HNRNPUL2: variants seen among roughly 807,000 people sequenced by gnomAD.
HNRNPUL2 encodes heterogeneous nuclear ribonucleoprotein U-like protein 2.
In HNRNPUL2, 27 loss-of-function variants were observed where a neutral mutation model predicts 102.2. The observed-to-expected ratio is 0.26, with a 90% CI of 0.19 to 0.36. The LOEUF is 0.36. Ranked by LOEUF, HNRNPUL2 falls within the 10% of genes least tolerant of loss-of-function variation. HNRNPUL2 has a pLI of 1.00. For missense variants in HNRNPUL2, 936 were observed against 981.1 expected, an observed-to-expected ratio of 0.95 and a Z score of 0.61; for synonymous variants, 458 against 387.2, an observed-to-expected ratio of 1.18 and a Z score of -2.15.
chr11:62,722,700 G>T lies in HNRNPUL2; in HGVS notation c.996C>A (p.Phe332Leu). The change falls in exon 6 of 14, where the codon TTC becomes TTA. Residue 332 changes from phenylalanine to leucine, a missense_variant. This residue lies in a region of HNRNPUL2 where 609 missense variants were observed against 713.0 expected (regional missense o/e 0.85). Coordinates refer to ENST00000301785, the MANE Select transcript of HNRNPUL2 (RefSeq NM_001079559.3). ...GTCCTCGTCCATCGAAACCGTAAGA[G>T]AATTCATCTTCACCTAGAACAGTCA... ...FSRPQLGEDE[F>L]SYGFDGRGLK... 1.2e-6 allele frequency: 2 copies of T among 1,613,896 alleles called. No individual in the cohort carries two copies. The highest frequency in any genetic ancestry group is 1.7e-6 in the Non-Finnish European group (2 of 1,179,812).
At position 62,715,169 on chromosome 11, in the gene HNRNPUL2, C is replaced by G. The variant is rs1285282586; in HGVS notation, c.*130G>C. On this transcript the variant is annotated 3_prime_UTR_variant, in exon 14 of 14. Transcript: ENST00000301785. ...CCACCCCTGCTTGAGCACCCTCCCC[C>G]CCCACCACCCCTCCCCGGCAGCTCA... 7.2e-6 allele frequency: 1 copy of G among 139,582 alleles called. No individual in the cohort carries two copies. Among genetic ancestry groups the G allele is most frequent in the Non-Finnish European group, 1.6e-5 (1 of 64,198 alleles). 8.6% of individuals were successfully genotyped at this position (139,582 alleles called of 1,614,324 possible). A position where few individuals can be genotyped will look rare whatever the true frequency, so the allele number is the denominator to read the frequency against.
chr11:62,723,974 G>A lies in HNRNPUL2; in HGVS notation c.691C>T (p.Pro231Ser), dbSNP rs1009977572. The part of the protein sequence containing the change: ...AYHSRSKSPL[P>S]PEEEAKDEEE... ...TCATCTTTTGCCTCTTCTTCAGGAGGCAGTGGAGACTTTGAGCTATATATG... is the reference window on the plus strand; with the variant it reads ...TCATCTTTTGCCTCTTCTTCAGGAGACAGTGGAGACTTTGAGCTATATATG... Residue 231 changes from proline (P) to serine (S), a missense_variant, in exon 3 of 14, where the codon CCT becomes TCT. Physicochemically the swap from Pro to Ser is moderately conservative, Grantham distance 74 (BLOSUM62 -1). Around this residue, in one of 2 missense-constraint regions of HNRNPUL2, gnomAD observed 609 missense variants for 713.0 expected, o/e 0.85. Transcript: ENST00000301785. 49 of 1,613,650 alleles carry A rather than the reference G, an allele frequency of 3.0e-5. No homozygotes were observed. Among genetic ancestry groups the A allele is most frequent in the Non-Finnish European group, 4.1e-5 (48 of 1,179,688 alleles).
In HNRNPUL2 at chr11:62,717,026, C is replaced by T. The variant is rs2134769490; in HGVS notation, c.1944G>A (p.Lys648=). ...CCCGGCTTCGGTTCTGCCGGTTACG[C>T]TTGTTTCGGTTGTTTCGGCGATTTG... The part of the protein sequence containing the change: ...KRTNRRNNRN[K]RNRQNRSRGQ... The change falls in exon 11 of 14, where the codon AAG becomes AAA. Residue 648 remains lysine (K), a synonymous_variant. Transcript: ENST00000301785. 6.2e-7 allele frequency: 1 copy of T among 1,613,756 alleles called. No homozygotes were observed. The highest frequency in any genetic ancestry group is 8.5e-7 in the Non-Finnish European group (1 of 1,179,994).
rs757978069 is a variant in HNRNPUL2, at chr11:62,721,931, C to G, written c.1371G>C (p.Met457Ile). ...KTIEECEVILMVGLPGSGKTQ... is the reference protein window; with the variant it reads ...KTIEECEVILIVGLPGSGKTQ... ...TCTTTCCAGATCCGGGTAGTCCCACCATCAGAATCACCTGCAAAAAACAGA... is the reference window on the plus strand; with the variant it reads ...TCTTTCCAGATCCGGGTAGTCCCACGATCAGAATCACCTGCAAAAAACAGA... The change falls in exon 8 of 14, where the codon ATG (methionine) becomes ATC (isoleucine). Residue 457 changes from methionine to isoleucine, a missense_variant. Physicochemically the swap from Met to Ile is conservative, Grantham distance 10. Transcript: ENST00000301785. The G allele has an allele frequency of 2.5e-6, 4 of 1,613,770 alleles. No homozygotes were observed. Among genetic ancestry groups the G allele is most frequent in the Non-Finnish European group, 3.4e-6 (4 of 1,179,932 alleles).
Position 62,722,244 on chromosome 11 carries a change from T to C in HNRNPUL2, c.1232A>G (p.Glu411Gly), listed in dbSNP as rs1375497151. The C allele has an allele frequency of 6.2e-7, 1 of 1,614,134 alleles. No homozygotes were observed. The highest frequency in any genetic ancestry group is 8.5e-7 in the Non-Finnish European group (1 of 1,180,008). ...CTCCTCCTTCTGACCGAAGTTTAATTCTACAACACAATTTTTGCAGAGGAC... is the reference window on the plus strand; with the variant it reads ...CTCCTCCTTCTGACCGAAGTTTAATCCTACAACACAATTTTTGCAGAGGAC... Reference protein sequence around the residue: ...PHVLCKNCVVELNFGQKEEPF... With the variant: ...PHVLCKNCVVGLNFGQKEEPF... Residue 411 changes from glutamate to glycine, a missense_variant, in exon 7 of 14, where the codon GAA becomes GGA. By Grantham distance (98) the Glu-to-Gly change is moderately conservative. Coordinates refer to ENST00000301785, the MANE Select transcript of HNRNPUL2 (RefSeq NM_001079559.3).
intron 9 of HNRNPUL2, 40 bp from the exon 10 acceptor site, chr11:62,720,231 T>A: frequency 6.3e-7 from 1 of 1,590,690 alleles, no homozygotes; most frequent in East Asian, 2.2e-5. Context: ...GGAAGAAAAT[T>A]ATCACTCAGA....
Position 62,721,865 on chromosome 11 carries a change from T to C in HNRNPUL2, c.1437A>G (p.Lys479=). 2 of 1,614,190 alleles carry C rather than the reference T, an allele frequency of 1.2e-6. No homozygotes were observed. The highest frequency in any genetic ancestry group is 1.7e-6 in the Non-Finnish European group (2 of 1,180,010). Residue 479 remains lysine, a synonymous_variant, in exon 8 of 14, where the codon AAA becomes AAG. Transcript: ENST00000301785. The stretch of plus-strand genomic sequence containing the variant: ...TCTCAGCTCCCAGGACATTGTATCT[T>C]TTCTCAGGGTTTTCTTTTGCATATT... The part of the protein sequence containing the change: ...ALKYAKENPE[K]RYNVLGAETV...
chr11:62,716,762 T>G (rs1423706461), intron 11 of HNRNPUL2, among the ~76,000 whole-genome samples: 10 of 152,210 alleles, frequency 6.6e-5, no homozygotes, highest in Admixed American at 6.5e-4. Context: ...TTGTGAAAAG[T>G]AACTCTTTTT....
At chr11:62,722,522 G>T in intron 6 of HNRNPUL2, 79 bp downstream of exon 6, 1 of 1,425,806 alleles carries the variant, frequency 7.0e-7, no homozygotes, top group Non-Finnish European at 9.9e-7. Flanking sequence ...AAAGCCAGCA[G>T]TTGATGGGAA....
At chr11:62,726,421 ACCTTCCT>A (rs1160998136) in intron 1 of HNRNPUL2, among the ~76,000 whole-genome samples, 191 bp downstream of exon 1, 1 of 152,216 alleles carries the variant, frequency 6.6e-6, no homozygotes, top group Non-Finnish European at 1.5e-5. Context: ...TTAGGCAGGA[ACCTTCCT>A]CCTGCAAAGA....
intron 1 of HNRNPUL2, among the ~76,000 whole-genome samples, chr11:62,724,737 T>TA (rs1175172411): frequency 6.6e-6 from 1 of 152,230 alleles, no homozygotes; most frequent in Non-Finnish European, 1.5e-5. Flanking sequence ...CAATATGACA[T>TA]AAAAAATATC....
chr11:62,726,925 C>A lies in HNRNPUL2; in HGVS notation c.232G>T (p.Asp78Tyr). The change falls in exon 1 of 14, where the codon GAC (aspartate) becomes TAC (tyrosine). Residue 78 changes from aspartate (D) to tyrosine (Y), a missense_variant. By Grantham distance (160) the Asp-to-Tyr change is radical. Around this residue, in one of 2 missense-constraint regions of HNRNPUL2, gnomAD observed 327 missense variants for 268.1 expected, o/e 1.22. Transcript: ENST00000301785. The stretch of plus-strand genomic sequence containing the variant: ...TCGTCCTCCTCCTCCTCCTCTTCGT[C>A]CTCCTCCTCGTCCCCGCCCGGGCCG... ...GGGPGGDEEEDEEEEEEDEEA... is the reference protein window; with the variant it reads ...GGGPGGDEEEYEEEEEEDEEA... 2 of 1,521,078 alleles carry A rather than the reference C, an allele frequency of 1.3e-6. No individual in the cohort carries two copies. The highest frequency in any genetic ancestry group is 1.7e-6 in the Non-Finnish European group (2 of 1,143,894). 94.2% of individuals were successfully genotyped at this position (1,521,078 alleles called of 1,614,324 possible).
chr11:62,716,840 G>T, intron 11 of HNRNPUL2, 149 bp downstream of exon 11: 1 of 670,468 alleles, frequency 1.5e-6, no homozygotes, highest in Non-Finnish European at 2.5e-6. Context: ...CAGGGATAAA[G>T]AACACAGGAA....
intron 1 of HNRNPUL2, among the ~76,000 whole-genome samples, chr11:62,725,444 C>T (rs564527139): frequency 6.6e-6 from 1 of 152,232 alleles, no homozygotes; most frequent in Admixed American, 6.5e-5. Context: ...AGGTGATCCA[C>T]CCGCCTGGCC....
chr11:62,721,857 T>C lies in HNRNPUL2; in HGVS notation c.1445A>G (p.Asn482Ser), dbSNP rs370584059. The C allele has an allele frequency of 8.7e-6, 14 of 1,614,202 alleles. No homozygotes were observed. Among genetic ancestry groups the C allele is most frequent in the Non-Finnish European group, 1.1e-5 (13 of 1,180,028 alleles). Reference protein sequence around the residue: ...YAKENPEKRYNVLGAETVLNQ... With the variant: ...YAKENPEKRYSVLGAETVLNQ... The stretch of plus-strand genomic sequence containing the variant: ...GAGCACAGTCTCAGCTCCCAGGACA[T>C]TGTATCTTTTCTCAGGGTTTTCTTT... Residue 482 changes from asparagine (N) to serine (S), a missense_variant, in exon 8 of 14, where the codon AAT (asparagine) becomes AGT (serine). Physicochemically the swap from Asn to Ser is conservative, Grantham distance 46. Coordinates refer to ENST00000301785, the MANE Select transcript of HNRNPUL2 (RefSeq NM_001079559.3).
At position 62,717,116 on chromosome 11, in the gene HNRNPUL2, A is replaced by G. The variant is rs2083666447; in HGVS notation, c.1854T>C (p.Ala618=). The part of the protein sequence containing the change: ...VTYGELEKEE[A]QPIVTKYKEE... Reference sequence around the variant, plus strand: ...CCTTGTACTTAGTGACAATGGGCTGAGCTTCCTCCTTCTCCAGCTCCCCAT... The same window carrying G: ...CCTTGTACTTAGTGACAATGGGCTGGGCTTCCTCCTTCTCCAGCTCCCCAT... Residue 618 remains alanine, a synonymous_variant, in exon 11 of 14, where the codon GCT becomes GCC. Transcript: ENST00000301785. The G allele has an allele frequency of 1.9e-6, 3 of 1,613,980 alleles. No homozygotes were observed. Among genetic ancestry groups the G allele is most frequent in the Non-Finnish European group, 2.5e-6 (3 of 1,180,010 alleles).
At position 62,723,958 on chromosome 11, in the gene HNRNPUL2, G is replaced by A; in HGVS notation, c.707C>T (p.Ala236Val). 1 of 1,613,990 alleles carries A rather than the reference G, an allele frequency of 6.2e-7. No individual in the cohort carries two copies. Among genetic ancestry groups the A allele is most frequent in the Non-Finnish European group, 8.5e-7 (1 of 1,179,912 alleles). ...SKSPLPPEEEAKDEEEDQTLV... is the reference protein window; with the variant it reads ...SKSPLPPEEEVKDEEEDQTLV... ...AGTTTGATCCTCCTCCTCATCTTTT[G>A]CCTCTTCTTCAGGAGGCAGTGGAGA... The change falls in exon 3 of 14, where the codon GCA becomes GTA. Residue 236 changes from alanine (A) to valine (V), a missense_variant. Ala to Val is a moderately conservative substitution (Grantham distance 64). Coordinates refer to ENST00000301785, the MANE Select transcript of HNRNPUL2 (RefSeq NM_001079559.3).
rs2083666863 is a variant in HNRNPUL2 at position 62,717,163 on chromosome 11, C to T, written c.1807G>A (p.Asp603Asn). Residue 603 changes from aspartate to asparagine, a missense_variant, in exon 11 of 14, where the codon GAC becomes AAC. Around this residue, in one of 2 missense-constraint regions of HNRNPUL2, gnomAD observed 609 missense variants for 713.0 expected, o/e 0.85. Coordinates refer to ENST00000301785, the MANE Select transcript of HNRNPUL2 (RefSeq NM_001079559.3). ...CCATATGTCACCTCATCCATATAGT[C>T]GCATTTTTCAGGCAAAGAGAAGTTG... ...KANFSLPEKCDYMDEVTYGEL... is the reference protein window; with the variant it reads ...KANFSLPEKCNYMDEVTYGEL... The T allele has an allele frequency of 3.1e-6, 5 of 1,613,914 alleles. No homozygotes were observed. Among genetic ancestry groups the T allele is most frequent in the Non-Finnish European group, 3.4e-6 (4 of 1,179,998 alleles).
chr11:62,723,873 G>A (rs1590900198), intron 3 of HNRNPUL2, 41 bp downstream of exon 3: 2 of 1,603,352 alleles, frequency 1.2e-6, no homozygotes, highest in African/African-American at 1.3e-5. Flanking sequence ...TCACTTTTAG[G>A]AGATTAGTTA....
Sources: gnomAD v4.1 joint callset for allele counts (sites outside exome capture counted in the v4.1 genomes callset) on GRCh38, gnomAD v4.1.1 for gene constraint, gnomAD v4.1.1 regional missense constraint, MANE v1.5 for transcripts, NCBI Gene and HGNC (gene_info 2026-07-23, HGNC 2026-07-21) for gene names.